The following PECAM1 variants were observed in gnomAD, a reference collection of about 807,000 sequenced individuals.
PECAM1 encodes the protein platelet and endothelial cell adhesion molecule 1.
PECAM1 carries 8 observed loss-of-function variants against 13.8 expected under a neutral mutation model. The ratio of observed to expected loss-of-function variants is 0.58; its 90% confidence interval spans 0.34 to 1.05. PECAM1 has a LOEUF of 1.05. Ranked by LOEUF, PECAM1 falls within the 50% of genes least tolerant of loss-of-function variation. The pLI is 0.03. For missense variants in PECAM1, 304 were observed against 141.2 expected (o/e 2.15, Z -5.84); for synonymous variants, 136 against 52.6 (o/e 2.58, Z -6.86).
At chr17:64,354,357 G>A (rs1163785571) in intron 9 of PECAM1, among the ~76,000 whole-genome samples, 1 of 152,108 alleles carries the variant, frequency 6.6e-6, no homozygotes, top group Non-Finnish European at 1.5e-5. Flanking sequence ...CTTGATGGGT[G>A]GCAGCTTTCC....
intron 15 of PECAM1, among the ~76,000 whole-genome samples, chr17:64,327,688 A>G (rs974529933): frequency 2.0e-5 from 3 of 152,184 alleles, no homozygotes; most frequent in Non-Finnish European, 2.9e-5. Context: ...CACACAATTT[A>G]TAAACAAGGT....
intron 13 of PECAM1, among the ~76,000 whole-genome samples, chr17:64,342,161 A>AGAAG (rs1423487899): frequency 4.1e-5 from 6 of 145,164 alleles, no homozygotes; most frequent in African/African-American, 1.5e-4. Context: ...AAAAAAAAAA[A>AGAAG]AAGAAGAAGA....
At chr17:64,390,236 A>T (rs1214241622) in intron 2 of PECAM1, 1 of 389,680 alleles carries the variant, frequency 2.6e-6, no homozygotes, top group Non-Finnish European at 4.5e-6. Flanking sequence ...ACAATTCATC[A>T]AGATAACCCA....
In PECAM1 at chr17:64,356,237, C is replaced by T; in HGVS notation, c.1654G>A (p.Ala552Thr). The T allele has an allele frequency of 2.1e-6, 1 of 474,882 alleles. No individual in the cohort carries two copies. Among genetic ancestry groups the T allele is most frequent in the Non-Finnish European group, 3.9e-6 (1 of 259,044 alleles). 29.4% of individuals were successfully genotyped at this position (474,882 alleles called of 1,614,324 possible). The change falls in exon 8 of 16, where the codon GCC becomes ACC. Residue 552 changes from alanine (A) to threonine (T), a missense_variant. By Grantham distance (58) the Ala-to-Thr change is moderately conservative. Coordinates refer to ENST00000563924, the MANE Select transcript of PECAM1 (RefSeq NM_000442.5). Reference sequence around the variant, plus strand: ...TGCTTGGTCCAAAATGCCTGGGTGGCATTTGAGGTCATTTGATAGAAGGGT... The same window carrying T: ...TGCTTGGTCCAAAATGCCTGGGTGGTATTTGAGGTCATTTGATAGAAGGGT... ...GKPFYQMTSNATQAFWTKQKA... is the reference protein window; with the variant it reads ...GKPFYQMTSNTTQAFWTKQKA...
chr17:64,381,659 G>GA (rs2036483220), intron 2 of PECAM1, among the ~76,000 whole-genome samples: 1 of 152,172 alleles, frequency 6.6e-6, no homozygotes, highest in South Asian at 2.1e-4. Flanking sequence ...AATGGTGTCT[G>GA]ACCAGTCCAT....
intron 12 of PECAM1, among the ~76,000 whole-genome samples, chr17:64,350,029 C>A (rs1038057712): frequency 6.6e-6 from 1 of 152,168 alleles, no homozygotes; most frequent in African/African-American, 2.4e-5. Context: ...GTGCTTCAGG[C>A]AGAAGAGAGC....
intron 4 of PECAM1, among the ~76,000 whole-genome samples, chr17:64,373,037 G>A (rs948362892): frequency 4.0e-5 from 6 of 151,372 alleles, no homozygotes; most frequent in Non-Finnish European, 7.4e-5. Flanking sequence ...GCTTGAACCC[G>A]GGAGGCGGAG....
At chr17:64,348,681 G>A (rs979768494) in intron 12 of PECAM1, among the ~76,000 whole-genome samples, 10 of 151,990 alleles carry the variant, frequency 6.6e-5, no homozygotes, top group Non-Finnish European at 5.9e-5. Context: ...CAAGCGATCC[G>A]CCCACCTCAG....
intron 13 of PECAM1, among the ~76,000 whole-genome samples, chr17:64,344,134 G>C (rs2035504533): frequency 6.6e-6 from 1 of 152,048 alleles, no homozygotes; most frequent in Non-Finnish European, 1.5e-5. Flanking sequence ...CCCACAGTGG[G>C]GGCTGGGGCA....
At chr17:64,342,161 A>AG (rs1423487899) in intron 13 of PECAM1, among the ~76,000 whole-genome samples, 18 of 145,134 alleles carry the variant, frequency 1.2e-4, no homozygotes, top group South Asian at 2.2e-4. Flanking sequence ...AAAAAAAAAA[A>AG]AAGAAGAAGA....
chr17:64,345,396 G>A (rs1422331262), intron 13 of PECAM1, among the ~76,000 whole-genome samples: 4 of 152,060 alleles, frequency 2.6e-5, no homozygotes, highest in East Asian at 1.9e-4. Context: ...TTATCTCAAC[G>A]AGTCAATCAC....
chr17:64,383,163 C>CCTGTTTA (rs1218713548), intron 2 of PECAM1, among the ~76,000 whole-genome samples: 1 of 152,216 alleles, frequency 6.6e-6, no homozygotes, highest in African/African-American at 2.4e-5. Context: ...CATCTGCTCT[C>CCTGTTTA]CTGTTTACTG....
intron 2 of PECAM1, among the ~76,000 whole-genome samples, chr17:64,378,512 C>T (rs2143880934): frequency 6.6e-6 from 1 of 152,172 alleles, no homozygotes; most frequent in African/African-American, 2.4e-5. Flanking sequence ...TTTGGTGGTG[C>T]AGGCCTGTAA....
intron 3 of PECAM1, among the ~76,000 whole-genome samples, chr17:64,376,233 A>G (rs1234155919): frequency 6.6e-6 from 1 of 152,084 alleles, no homozygotes; most frequent in Non-Finnish European, 1.5e-5. Flanking sequence ...TGAACCCCGA[A>G]GGCAGAGGTT....
intron 6 of PECAM1, among the ~76,000 whole-genome samples, chr17:64,362,477 A>T (rs921695233): frequency 2.0e-5 from 3 of 151,970 alleles, no homozygotes; most frequent in Non-Finnish European, 4.4e-5. Flanking sequence ...GTGAAACCCC[A>T]TCTCTACTAA....
intron 2 of PECAM1, among the ~76,000 whole-genome samples, chr17:64,383,957 C>G (rs2036537688): frequency 1.3e-5 from 2 of 152,134 alleles, no homozygotes; most frequent in Admixed American, 1.3e-4. Flanking sequence ...ATGGTGAAAC[C>G]TAGCCTTTAC....
intron 5 of PECAM1, among the ~76,000 whole-genome samples, chr17:64,364,230 T>C (rs1386323059): frequency 1.3e-5 from 2 of 151,986 alleles, no homozygotes; most frequent in Non-Finnish European, 2.9e-5. Flanking sequence ...CTAGGAGAAA[T>C]GGATAAATTC....
At chr17:64,379,056 T>TAGCCTGCTACTTGCGTTTTC (rs2036425513) in intron 2 of PECAM1, 2 of 152,202 alleles carry the variant, frequency 1.3e-5, no homozygotes, top group African/African-American at 2.4e-5. Flanking sequence ...AACCAGTTTT[T>TAGCCTGCTACTTGCGTTTTC]AGCCTGCTAC....
intron 2 of PECAM1, among the ~76,000 whole-genome samples, chr17:64,388,340 T>A (rs1482627360): frequency 6.7e-6 from 1 of 149,354 alleles, no homozygotes; most frequent in East Asian, 2.0e-4. Flanking sequence ...AAAGGGAGAG[T>A]GGGTAGGGCA....
Sources: allele counts gnomAD v4.1 joint callset (sites outside exome capture counted in the v4.1 genomes callset), GRCh38; gene constraint gnomAD v4.1.1; transcripts MANE v1.5; gene names NCBI Gene and HGNC (gene_info 2026-07-23, HGNC 2026-07-21).